ATP8A2: variants seen among roughly 807,000 people sequenced by gnomAD.
The protein encoded by ATP8A2 is ATPase phospholipid transporting 8A2, also known as phospholipid-transporting ATPase IB.
Under a neutral mutation model 165.6 loss-of-function variants are expected in ATP8A2, and 100 were observed. The ratio of observed to expected loss-of-function variants is 0.60; its 90% CI spans 0.51 to 0.71. The LOEUF (loss-of-function observed/expected upper bound fraction) is 0.71. Ranked by LOEUF, ATP8A2 falls within the 30% of genes least tolerant of loss-of-function variation. The probability of loss-of-function intolerance (pLI) is 0.00; values close to 1 mark genes in which losing one functional copy is unlikely to be tolerated. For synonymous variants in ATP8A2, 543 were observed against 548.8 expected, an observed-to-expected ratio of 0.99 and a Z score of 0.15; for missense variants, 1,227 against 1,479.5, an observed-to-expected ratio of 0.83 and a Z score of 2.80.
rs556691371 is a variant in ATP8A2, at chr13:25,820,632, A to G, written c.2680-7486A>G. On this transcript the variant is annotated intron_variant, in intron 27 of 36. Coordinates refer to ENST00000381655, the MANE Select transcript of ATP8A2 (RefSeq NM_016529.6). Reference sequence around the variant, plus strand: ...CCCACCAAAAATGACATTTATATTTAGGAATTGGGTGGTGCTGTCTTTTTG... The same window carrying G: ...CCCACCAAAAATGACATTTATATTTGGGAATTGGGTGGTGCTGTCTTTTTG... Among the ~76,000 whole-genome samples, 6 of 152,328 alleles carry G rather than the reference A, an allele frequency of 3.9e-5. No individual in the cohort carries two copies. In the East Asian group the frequency reaches 1.2e-3, roughly 29 times the overall value.
At chr13:25,688,718 TAAG>T (rs940955885) in intron 24 of ATP8A2, among the ~76,000 whole-genome samples, 4 of 152,226 alleles carry the variant, frequency 2.6e-5, no homozygotes, top group African/African-American at 9.6e-5. Context: ...CAGGGAGTCC[TAAG>T]AAGGTCCTGC....
intron 25 of ATP8A2, among the ~76,000 whole-genome samples, chr13:25,718,768 G>C (rs1447074988): frequency 6.6e-6 from 1 of 152,168 alleles, no homozygotes; most frequent in African/African-American, 2.4e-5. Flanking sequence ...ATTTTACTAA[G>C]GTTAGTTAGA....
At chr13:25,466,738 C>T (rs1428234604) in intron 1 of ATP8A2, among the ~76,000 whole-genome samples, 3 of 152,260 alleles carry the variant, frequency 2.0e-5, no homozygotes. Context: ...TACTAATGCA[C>T]AGGGGAACTG....
At position 26,025,469 on chromosome 13, in the gene ATP8A2, T is replaced by C. The variant is rs1284209493; in HGVS notation, c.*5484T>C. 6.6e-6 allele frequency: 1 copy of C among 152,294 alleles called. No individual in the cohort carries two copies. Among genetic ancestry groups the C allele is most frequent in the East Asian group, 1.9e-4 (1 of 5,196 alleles). 9.4% of individuals were successfully genotyped at this position (152,294 alleles called of 1,614,324 possible). A position where few individuals can be genotyped will look rare whatever the true frequency, so the allele number is the denominator to read the frequency against. ...CAAAGCCACGTGCTCTCCTGTCTGC[T>C]GTCACATCTGTGCCTGGATTGCTTA... On this transcript the variant is annotated 3_prime_UTR_variant, in exon 37 of 37. Coordinates refer to ENST00000381655, the MANE Select transcript of ATP8A2 (RefSeq NM_016529.6).
chr13:25,674,722 C>T (rs1392131035), intron 24 of ATP8A2, among the ~76,000 whole-genome samples: 1 of 152,126 alleles, frequency 6.6e-6, no homozygotes, highest in South Asian at 2.1e-4. Flanking sequence ...CTCAACAGTA[C>T]GTTTCCTCCC....
Position 25,825,145 on chromosome 13 carries a change from CTTTTTTTTTTTTTTT to C in ATP8A2, c.2680-2958_2680-2944del, listed in dbSNP as rs60778003. ...CATAGTTTCATTGTGTATGTGTTTG[CTTTTTTTTTTTTTTT>C]TTTTTTTTTTTTTTGAGACAGGGTC... On this transcript the variant is annotated intron_variant, in intron 27 of 36. Coordinates refer to ENST00000381655, the MANE Select transcript of ATP8A2 (RefSeq NM_016529.6). Among the ~76,000 whole-genome samples, 4 of 27,508 alleles carry C rather than the reference CTTTTTTTTTTTTTTT, an allele frequency of 1.5e-4. No homozygotes were observed. In the East Asian group the frequency reaches 3.8e-3, roughly 26 times the overall value. The allele number at this position is 27,508 out of a possible 152,430, so 18.0% of individuals were successfully genotyped here.
chr13:25,869,953 A>C (rs1056844993), intron 33 of ATP8A2, among the ~76,000 whole-genome samples: 3 of 152,212 alleles, frequency 2.0e-5, no homozygotes, highest in African/African-American at 7.2e-5. Context: ...GGCTTTGTGT[A>C]TCCCAGGTTC....
At chr13:25,558,787 T>C (rs2039056928) in intron 13 of ATP8A2, among the ~76,000 whole-genome samples, 186 bp from the exon 14 acceptor site, 1 of 152,234 alleles carries the variant, frequency 6.6e-6, no homozygotes, top group African/African-American at 2.4e-5. Context: ...TAATTAGTTA[T>C]GGAAGAAGGT....
At chr13:25,397,975 G>C (rs947518836) in intron 1 of ATP8A2, among the ~76,000 whole-genome samples, 5 of 152,182 alleles carry the variant, frequency 3.3e-5, no homozygotes, top group Non-Finnish European at 7.4e-5. Flanking sequence ...GGGGATTGTG[G>C]AAGCCAAGGT....
chr13:25,480,442 G>A (rs1332316064), intron 2 of ATP8A2, among the ~76,000 whole-genome samples: 1 of 151,384 alleles, frequency 6.6e-6, no homozygotes, highest in Non-Finnish European at 1.5e-5. Flanking sequence ...TCTCAGATGG[G>A]GCGGCTGGGC....
chr13:25,502,245 TGTG>T (rs2036876922), intron 2 of ATP8A2, among the ~76,000 whole-genome samples: 1 of 152,158 alleles, frequency 6.6e-6, no homozygotes, highest in Non-Finnish European at 1.5e-5. Context: ...GGAGGTGTGA[TGTG>T]GTGAGGATTT....
At chr13:25,524,654 T>G (rs1294056676) in intron 2 of ATP8A2, among the ~76,000 whole-genome samples, 1 of 152,112 alleles carries the variant, frequency 6.6e-6, no homozygotes, top group African/African-American at 2.4e-5. Context: ...TCCTACTATT[T>G]TTTGGTTTTC....
intron 1 of ATP8A2, among the ~76,000 whole-genome samples, chr13:25,408,665 A>C (rs1165919886): frequency 9.2e-6 from 1 of 108,988 alleles, no homozygotes; most frequent in Non-Finnish European, 2.2e-5. Flanking sequence ...GATCTACACT[A>C]AGCCCTAAAC....
At position 25,968,587 on chromosome 13, in the gene ATP8A2, C is replaced by G; in HGVS notation, c.3285C>G (p.Thr1095=). The G allele has an allele frequency of 6.2e-7, 1 of 1,613,688 alleles. No homozygotes were observed. Among genetic ancestry groups the G allele is most frequent in the South Asian group, 1.1e-5 (1 of 90,748 alleles). Residue 1095 remains threonine (T), a synonymous_variant, in exon 35 of 37, where the codon ACC becomes ACG. Transcript: ENST00000381655. ...CCTCATAACACAGAGCCAAGCACAC[C>G]TGCAAAAAGACATTGCTGGAGGAGG... ...EDVAWRAAKH[T]CKKTLLEEVQ...
At chr13:25,573,460 G>T (rs1240801857) in intron 18 of ATP8A2, among the ~76,000 whole-genome samples, 1 of 152,148 alleles carries the variant, frequency 6.6e-6, no homozygotes, top group African/African-American at 2.4e-5. Context: ...GTAGATAACA[G>T]TAATAAAAAG....
intron 24 of ATP8A2, among the ~76,000 whole-genome samples, chr13:25,597,825 A>G (rs1353686776): frequency 6.6e-6 from 1 of 152,180 alleles, no homozygotes; most frequent in Admixed American, 6.5e-5. Context: ...GAAAAGCAGT[A>G]TAAACACCTT....
At chr13:25,499,731 G>C (rs368413870) in intron 2 of ATP8A2, among the ~76,000 whole-genome samples, 2 of 152,262 alleles carry the variant, frequency 1.3e-5, no homozygotes, top group East Asian at 1.9e-4. Flanking sequence ...TATTTGTGGA[G>C]TACTTACCTG....
intron 25 of ATP8A2, among the ~76,000 whole-genome samples, chr13:25,741,247 G>C (rs528391322): frequency 6.6e-6 from 1 of 152,312 alleles, no homozygotes; most frequent in South Asian, 2.1e-4. Context: ...TTGGAAGTCA[G>C]ATTGTTGCCT....
rs2037292928 is a variant in ATP8A2 at position 25,512,809 on chromosome 13, CG to C, written c.222-17186del. ...CTGACCCCCCCATCTCCCTCCCGTA[CG>C]GGGCGGCTGGCCGGGCAGAGGGGCT... is the stretch of plus-strand genomic sequence containing the variant. On this transcript the variant is annotated intron_variant, in intron 2 of 36. Transcript: ENST00000381655. 3.6e-5 allele frequency among the ~76,000 whole-genome samples: 5 copies of C among 138,296 alleles called. No homozygotes were observed. In the South Asian group the frequency reaches 1.2e-3, roughly 33 times the overall value. The allele number at this position is 138,296 out of a possible 152,430, so 90.7% of individuals were successfully genotyped here. A position where few individuals can be genotyped will look rare whatever the true frequency, so the allele number is the denominator to read the frequency against.
Sources: allele counts gnomAD v4.1 joint callset (sites outside exome capture counted in the v4.1 genomes callset), GRCh38; gene constraint gnomAD v4.1.1; transcripts MANE v1.5; gene names NCBI Gene and HGNC (gene_info 2026-07-23, HGNC 2026-07-21).